Variants in OPCML observed in about 807,000 individuals in gnomAD.
The protein encoded by OPCML is opioid-binding protein/cell adhesion molecule.
A neutral mutation model predicts 37.8 loss-of-function variants in OPCML; 13 were observed. The ratio of observed to expected loss-of-function variants is 0.34; its 90% CI spans 0.22 to 0.55. The LOEUF (loss-of-function observed/expected upper bound fraction) is 0.55. Among genes scored for constraint, OPCML ranks in the 20% least tolerant of loss-of-function variants. The pLI, the probability that OPCML is intolerant of heterozygous loss-of-function variation, is 0.91. For synonymous variants in OPCML, 176 were observed against 168.8 expected (o/e 1.04, Z -0.33); for missense variants, 341 against 435.6 (o/e 0.78, Z 1.93).
At chr11:133,108,121 T>C (rs1467054979) in intron 1 of OPCML, among the ~76,000 whole-genome samples, 4 of 152,206 alleles carry the variant, frequency 2.6e-5, no homozygotes, top group African/African-American at 9.6e-5. Flanking sequence ...AAGACAGAAG[T>C]AAATTAGCAA....
chr11:132,765,053 A>T (rs1946389147), intron 2 of OPCML, among the ~76,000 whole-genome samples: 1 of 151,784 alleles, frequency 6.6e-6, no homozygotes, highest in Non-Finnish European at 1.5e-5. Flanking sequence ...TGAGGGAGCT[A>T]GCGTTCGTTT....
At chr11:132,956,046 T>G (rs1320680402) in intron 1 of OPCML, among the ~76,000 whole-genome samples, 1 of 152,224 alleles carries the variant, frequency 6.6e-6, no homozygotes, top group East Asian at 1.9e-4. Context: ...TACCCTCCAG[T>G]CTCACAGATA....
At chr11:133,146,408 G>A (rs1311052978) in intron 1 of OPCML, among the ~76,000 whole-genome samples, 1 of 149,138 alleles carries the variant, frequency 6.7e-6, no homozygotes, top group Admixed American at 6.8e-5. Flanking sequence ...TCTGCCTCCC[G>A]GGTTCAAGAG....
chr11:133,446,079 C>A (rs550330050), intron 1 of OPCML, among the ~76,000 whole-genome samples: 70 of 152,278 alleles, frequency 4.6e-4, no homozygotes, highest in African/African-American at 1.4e-3. Flanking sequence ...TCTGCTCATT[C>A]TGCTAATAAG....
intron 1 of OPCML, among the ~76,000 whole-genome samples, chr11:133,192,855 G>GTTTTA (rs1555112199): frequency 6.2e-5 from 9 of 145,804 alleles, no homozygotes; most frequent in Non-Finnish European, 9.0e-5. Context: ...GTTGCTTCGT[G>GTTTTA]TTTTCTTTTC....
chr11:133,380,336 G>A (rs773645049), intron 1 of OPCML, among the ~76,000 whole-genome samples: 5 of 152,168 alleles, frequency 3.3e-5, no homozygotes, highest in African/African-American at 4.8e-5. Flanking sequence ...GTTTTGAAAG[G>A]AGTACTGGGG....
In OPCML at chr11:132,437,235, T is replaced by C; in HGVS notation, c.630A>G (p.Lys210=). 1 of 1,613,970 alleles carries C rather than the reference T, an allele frequency of 6.2e-7. No individual in the cohort carries two copies. The highest frequency in any genetic ancestry group is 8.5e-7 in the Non-Finnish European group (1 of 1,179,866). Reference sequence around the variant, plus strand: ...AGGTCCACTCACAGTTTACAGTGATTTTTACTTTCCGCACATCGGGCGCAG... The same window carrying C: ...AGGTCCACTCACAGTTTACAGTGATCTTTACTTTCCGCACATCGGGCGCAG... The part of the protein sequence containing the change: ...DVAAPDVRKV[K]ITVNYPPYIS... Residue 210 remains lysine (K), a synonymous_variant, in exon 5 of 8, where the codon AAA becomes AAG. Transcript: ENST00000524381.
chr11:132,866,341 A>C (rs1942553283), intron 2 of OPCML, among the ~76,000 whole-genome samples: 1 of 152,226 alleles, frequency 6.6e-6, no homozygotes, highest in Non-Finnish European at 1.5e-5. Flanking sequence ...TCATGAAATC[A>C]TCAAATGCTA....
chr11:132,966,855 C>A (rs1260638520), intron 1 of OPCML, among the ~76,000 whole-genome samples: 1 of 151,916 alleles, frequency 6.6e-6, no homozygotes, highest in Non-Finnish European at 1.5e-5. Flanking sequence ...TGTGAAATAG[C>A]CACTCCAGCT....
At chr11:133,024,314 C>A (rs1947508261) in intron 1 of OPCML, 2 of 982,246 alleles carry the variant, frequency 2.0e-6, no homozygotes, top group Middle Eastern at 1.0e-3. Flanking sequence ...AAGTTGGGAG[C>A]ATGCTCTGGG....
intron 1 of OPCML, among the ~76,000 whole-genome samples, chr11:133,413,414 C>T (rs1945692205): frequency 6.6e-6 from 1 of 151,548 alleles, no homozygotes; most frequent in Non-Finnish European, 1.5e-5. Context: ...ACCAGCATGG[C>T]ACATGTATAC....
chr11:133,080,663 C>A (rs2137029735), intron 1 of OPCML, among the ~76,000 whole-genome samples: 1 of 152,144 alleles, frequency 6.6e-6, no homozygotes, highest in East Asian at 1.9e-4. Context: ...ACCCACTGTG[C>A]CCGTTTATTT....
intron 1 of OPCML, among the ~76,000 whole-genome samples, chr11:132,995,807 A>G (rs1047253897): frequency 2.0e-5 from 3 of 152,172 alleles, no homozygotes; most frequent in Admixed American, 1.3e-4. Context: ...GGATAACCCC[A>G]GAGAAAGTAT....
At chr11:133,082,885 C>T (rs1948756586) in intron 1 of OPCML, among the ~76,000 whole-genome samples, 1 of 150,246 alleles carries the variant, frequency 6.7e-6, no homozygotes, top group South Asian at 2.1e-4. Context: ...TCGTCCCAGG[C>T]AGACGCGCTG....
intron 1 of OPCML, among the ~76,000 whole-genome samples, chr11:133,320,431 A>T (rs1943302054): frequency 6.6e-6 from 1 of 152,180 alleles, no homozygotes. Context: ...CTAAGTATCT[A>T]TTCCTCACAC....
rs368526925 is a variant in OPCML at position 132,472,700 on chromosome 11, T to C, written c.506-35341A>G. Among the ~76,000 whole-genome samples, 30 of 152,324 alleles carry C rather than the reference T, an allele frequency of 2.0e-4. No homozygotes were observed. The East Asian group carries it at 3.5e-3, about 18-fold the overall frequency. On this transcript the variant is annotated intron_variant, in intron 4 of 7. Transcript: ENST00000524381. ...GGTGAGCTTCCAGCAGCAGGAACTG[T>C]GTGGGAGAGTGGAGCTTGCACTGAA...
At chr11:133,408,312 G>C (rs536607637) in intron 1 of OPCML, among the ~76,000 whole-genome samples, 17 of 152,188 alleles carry the variant, frequency 1.1e-4, no homozygotes, top group Non-Finnish European at 2.1e-4. Flanking sequence ...GGTCACAATG[G>C]TGGTGAATTA....
intron 2 of OPCML, among the ~76,000 whole-genome samples, chr11:132,843,859 G>A (rs1015480017): frequency 6.6e-6 from 1 of 152,204 alleles, no homozygotes; most frequent in African/African-American, 2.4e-5. Flanking sequence ...GATTAACAAA[G>A]GATTGTTAAG....
At chr11:133,030,912 A>T (rs920876305) in intron 1 of OPCML, among the ~76,000 whole-genome samples, 1 of 152,102 alleles carries the variant, frequency 6.6e-6, no homozygotes, top group African/African-American at 2.4e-5. Flanking sequence ...AAGGCATTAT[A>T]ACAATATATA....
Sources: gnomAD v4.1 joint callset for allele counts (sites outside exome capture counted in the v4.1 genomes callset) on GRCh38, gnomAD v4.1.1 for gene constraint, MANE v1.5 for transcripts, NCBI Gene and HGNC (gene_info 2026-07-23, HGNC 2026-07-21) for gene names.